Variants in LRFN1 observed in about 807,000 individuals in gnomAD.
LRFN1 encodes the protein leucine rich repeat and fibronectin type III domain containing 1.
In LRFN1, 20 loss-of-function variants were observed where a neutral mutation model predicts 31.8. The observed-to-expected ratio is 0.63, with a 90% CI of 0.44 to 0.91. The LOEUF (loss-of-function observed/expected upper bound fraction) is 0.91. Ranked by LOEUF, LRFN1 falls within the 40% of genes least tolerant of loss-of-function variation. LRFN1 has a pLI of 0.00. For synonymous variants in LRFN1, 514 were observed against 541.3 expected (o/e 0.95, Z 0.70); for missense variants, 912 against 1,129.8 (o/e 0.81, Z 2.76).
chr19:39,311,098 C>T (rs1245927771), intron 4 of LRFN1, among the ~76,000 whole-genome samples: 1 of 152,224 alleles, frequency 6.6e-6, no homozygotes, highest in African/African-American at 2.4e-5. Flanking sequence ...GGGCTTCCCC[C>T]ACCCCTTTTC....
Position 39,314,641 on chromosome 19 carries a change from C to T in LRFN1, c.696G>A (p.Leu232=), listed in dbSNP as rs1479085861. 3 of 1,611,554 alleles carry T rather than the reference C, an allele frequency of 1.9e-6. No homozygotes were observed. The highest frequency in any genetic ancestry group is 2.5e-6 in the Non-Finnish European group (3 of 1,178,868). ...LHKLPPDGLF[L]RSQGTGPKPP... is the part of the protein sequence containing the mutation. ...GCTTGGGCCCGGTGCCCTGCGACCTCAGGAAGAGCCCGTCGGGCGGGAGTT... is the reference window on the plus strand; with the variant it reads ...GCTTGGGCCCGGTGCCCTGCGACCTTAGGAAGAGCCCGTCGGGCGGGAGTT... The change falls in exon 4 of 5, where the codon CTG becomes CTA. Residue 232 remains leucine, a synonymous_variant. Transcript: ENST00000248668.
chr19:39,315,401 G>A lies in LRFN1; in HGVS notation c.-37-28C>T. The A allele has an allele frequency of 7.2e-7, 1 of 1,387,786 alleles. No homozygotes were observed. The highest frequency in any genetic ancestry group is 9.5e-7 in the Non-Finnish European group (1 of 1,057,348). The allele number at this position is 1,387,786 out of a possible 1,614,324, so 86.0% of individuals were successfully genotyped here. ...GCCGGGGAAGGAGCCGGTTACCCAG[G>A]CGTGGGACTTGGCCGCCATGGGATG... On this transcript the variant is annotated intron_variant, in intron 3 of 4. Transcript: ENST00000248668. The surrounding 1 kb of genome is among the most constrained non-coding windows in gnomAD (Gnocchi z 4.7).
intron 4 of LRFN1, among the ~76,000 whole-genome samples, chr19:39,311,939 C>T (rs937830722): frequency 2.0e-5 from 3 of 149,432 alleles, no homozygotes; most frequent in South Asian, 2.1e-4. Flanking sequence ...GCGCAATCTC[C>T]GCTCACTGCA....
At chr19:39,313,883 C>G (rs773999325) in intron 4 of LRFN1, 48 bp downstream of exon 4, 1 of 1,521,406 alleles carries the variant, frequency 6.6e-7, no homozygotes, top group Non-Finnish European at 8.9e-7. Flanking sequence ...GAGGGAGGGT[C>G]CCCCTGGGCT....
chr19:39,308,653 C>A lies in LRFN1; in HGVS notation c.1407-111G>T. On this transcript the variant is annotated intron_variant, in intron 4 of 4. Transcript: ENST00000248668. The surrounding 1 kb of genome is among the most constrained non-coding windows in gnomAD (Gnocchi z 6.2). The stretch of plus-strand genomic sequence containing the variant: ...GGACTAAACCCTGCTATCGAAGTCT[C>A]AGCCGCTACTGAGACAACAGCAGCA... The A allele has an allele frequency of 4.1e-6, 4 of 966,686 alleles. No homozygotes were observed. The highest frequency in any genetic ancestry group is 6.0e-6 in the Non-Finnish European group (4 of 671,026). 59.9% of individuals were successfully genotyped at this position (966,686 alleles called of 1,614,324 possible).
At position 39,314,799 on chromosome 19, in the gene LRFN1, C is replaced by T; in HGVS notation, c.538G>A (p.Glu180Lys). The stretch of plus-strand genomic sequence containing the variant: ...AGGTTCACCATCTGGCCCACCGCCT[C>T]CCACGGCAGGGCCTCCAGGTTGTTG... ...SYNNLEALPW[E>K]AVGQMVNLNT... is the part of the protein sequence containing the mutation. Residue 180 changes from glutamate to lysine, a missense_variant, in exon 4 of 5, where the codon GAG (glutamate) becomes AAG (lysine). This residue lies in a region of LRFN1 where 401 missense variants were observed against 572.7 expected (regional missense o/e 0.70). Transcript: ENST00000248668. 6.2e-7 allele frequency: 1 copy of T among 1,613,190 alleles called. No homozygotes were observed. Among genetic ancestry groups the T allele is most frequent in the South Asian group, 1.1e-5 (1 of 90,908 alleles).
Position 39,307,712 on chromosome 19 carries a change from T to A in LRFN1, c.2237A>T (p.Asp746Val). The change falls in exon 5 of 5, where the codon GAT becomes GTT. Residue 746 changes from aspartate to valine, a missense_variant. By Grantham distance (152) the Asp-to-Val change is radical (BLOSUM62 -3). This residue lies in a region of LRFN1 where 511 missense variants were observed against 557.0 expected (regional missense o/e 0.92). Coordinates refer to ENST00000248668, the MANE Select transcript of LRFN1 (RefSeq NM_020862.2). The surrounding 1 kb of genome is among the most constrained non-coding windows in gnomAD (Gnocchi z 6.7). ...DGAGGGAAGE[D>V]GDLGLGSARA... is the part of the protein sequence containing the mutation. ...GGCGGAGCCCAGCCCCAGGTCTCCATCCTCCCCGGCCGCGCCCCCTCCAGC... is the reference window on the plus strand; with the variant it reads ...GGCGGAGCCCAGCCCCAGGTCTCCAACCTCCCCGGCCGCGCCCCCTCCAGC... 6.6e-7 allele frequency: 1 copy of A among 1,511,984 alleles called. No individual in the cohort carries two copies. Among genetic ancestry groups the A allele is most frequent in the Admixed American group, 2.1e-5 (1 of 46,620 alleles). The allele number at this position is 1,511,984 out of a possible 1,614,324, so 93.7% of individuals were successfully genotyped here.
intron 4 of LRFN1, among the ~76,000 whole-genome samples, chr19:39,313,492 A>G (rs980116475): frequency 1.3e-5 from 2 of 152,224 alleles, no homozygotes; most frequent in Admixed American, 6.5e-5. Flanking sequence ...AGTTCGTGCC[A>G]CTGCACTCCA....
At chr19:39,309,651 A>G (rs1476666342) in intron 4 of LRFN1, among the ~76,000 whole-genome samples, 7 of 151,958 alleles carry the variant, frequency 4.6e-5, no homozygotes, top group Non-Finnish European at 7.4e-5. Context: ...TGGTTCCCCT[A>G]CTGTGTATAG....
chr19:39,318,999 A>G (rs2075180090), intron 1 of LRFN1, among the ~76,000 whole-genome samples: 1 of 152,236 alleles, frequency 6.6e-6, no homozygotes, highest in African/African-American at 2.4e-5. Flanking sequence ...TGAACCCAAG[A>G]GTAGGGACAG....
Position 39,314,309 on chromosome 19 carries a change from T to C in LRFN1, c.1028A>G (p.Asn343Ser). The C allele has an allele frequency of 6.2e-7, 1 of 1,604,128 alleles. No individual in the cohort carries two copies. Among genetic ancestry groups the C allele is most frequent in the Non-Finnish European group, 8.5e-7 (1 of 1,176,010 alleles). ...WVAPDGRLLG[N>S]SSRTRVRGDG... The stretch of plus-strand genomic sequence containing the variant: ...CCCCCGGACCCGGGTCCGGCTGGAG[T>C]TCCCCAGCAGCCGCCCATCAGGTGC... The change falls in exon 4 of 5, where the codon AAC (asparagine) becomes AGC (serine). Residue 343 changes from asparagine (N) to serine (S), a missense_variant. Asn to Ser is a conservative substitution (Grantham distance 46, BLOSUM62 1). Transcript: ENST00000248668.
Position 39,314,967 on chromosome 19 carries a change from G to A in LRFN1, c.370C>T (p.Arg124Cys). The A allele has an allele frequency of 1.9e-6, 3 of 1,593,324 alleles. No individual in the cohort carries two copies. Among genetic ancestry groups the A allele is most frequent in the Non-Finnish European group, 2.6e-6 (3 of 1,174,636 alleles). ...ALRALHLDSN[R>C]LAEVRGDQLR... ...TGGTCGCCGCGCACCTCCGCCAGGC[G>A]GTTGCTGTCCAGGTGCAGGGCCCGG... is the stretch of plus-strand genomic sequence containing the variant. The change falls in exon 4 of 5, where the codon CGC becomes TGC. Residue 124 changes from arginine (R) to cysteine (C), a missense_variant. By Grantham distance (180) the Arg-to-Cys change is radical (BLOSUM62 -3). Around this residue, in one of 2 missense-constraint regions of LRFN1, gnomAD observed 401 missense variants for 572.7 expected, o/e 0.70. Transcript: ENST00000248668.
At chr19:39,316,620 G>A (rs1171194910) in intron 2 of LRFN1, among the ~76,000 whole-genome samples, 2 of 152,138 alleles carry the variant, frequency 1.3e-5, no homozygotes, top group African/African-American at 4.8e-5. Context: ...GGCCTTCTCT[G>A]AGGTCTGGTT....
At chr19:39,320,012 C>T (rs1237016753) in intron 1 of LRFN1, among the ~76,000 whole-genome samples, 1 of 151,706 alleles carries the variant, frequency 6.6e-6, no homozygotes, top group African/African-American at 2.4e-5. Flanking sequence ...AGGGCCGGGT[C>T]TTCGCCCCCC....
In LRFN1 at chr19:39,314,729, T is replaced by A; in HGVS notation, c.608A>T (p.Glu203Val). 6.2e-7 allele frequency: 1 copy of A among 1,613,298 alleles called. No individual in the cohort carries two copies. Among genetic ancestry groups the A allele is most frequent in the Non-Finnish European group, 8.5e-7 (1 of 1,179,552 alleles). The change falls in exon 4 of 5, where the codon GAG (glutamate) becomes GTG (valine). Residue 203 changes from glutamate (E) to valine (V), a missense_variant. Glu to Val is a moderately radical substitution (Grantham distance 121, BLOSUM62 -2). Around this residue, in one of 2 missense-constraint regions of LRFN1, gnomAD observed 401 missense variants for 572.7 expected, o/e 0.70. Transcript: ENST00000248668. ...LDHNLIDHIA[E>V]GTFVQLHKLV... ...CTTGTGAAGCTGCACGAAGGTCCCC[T>A]CCGCGATGTGGTCGATGAGGTTGTG...
Position 39,308,622 on chromosome 19 carries a change from C to T in LRFN1, c.1407-80G>A, listed in dbSNP as rs889866804. 7 of 1,270,402 alleles carry T rather than the reference C, an allele frequency of 5.5e-6. No individual in the cohort carries two copies. The African/African-American group carries it at 1.0e-4, about 19-fold the overall frequency. 78.7% of individuals were successfully genotyped at this position (1,270,402 alleles called of 1,614,324 possible). A position where few individuals can be genotyped will look rare whatever the true frequency, so the allele number is the denominator to read the frequency against. ...CGCTTTATGCCCCGCCCATGGTGAA[C>T]AGTGGGGACTAAACCCTGCTATCGA... On this transcript the variant is annotated intron_variant, in intron 4 of 4. Coordinates refer to ENST00000248668, the MANE Select transcript of LRFN1 (RefSeq NM_020862.2). This position sits in a 1 kb window ranked among gnomAD's most constrained non-coding sequence, Gnocchi z 6.2.
At position 39,307,524 on chromosome 19, in the gene LRFN1, A is replaced by T; in HGVS notation, c.*109T>A. ...CTCCCGGGGACAAGGGCGCGTCTCC[A>T]CTCTGGTCCAATGTCTTGGCGCTGC... On this transcript the variant is annotated 3_prime_UTR_variant, in exon 5 of 5. Coordinates refer to ENST00000248668, the MANE Select transcript of LRFN1 (RefSeq NM_020862.2). The surrounding 1 kb of genome is among the most constrained non-coding windows in gnomAD (Gnocchi z 6.7). 1 of 1,205,660 alleles carries T rather than the reference A, an allele frequency of 8.3e-7. No individual in the cohort carries two copies. The highest frequency in any genetic ancestry group is 1.1e-6 in the Non-Finnish European group (1 of 937,888). 74.7% of individuals were successfully genotyped at this position (1,205,660 alleles called of 1,614,324 possible). A position where few individuals can be genotyped will look rare whatever the true frequency, so the allele number is the denominator to read the frequency against.
intron 1 of LRFN1, 52 bp downstream of exon 1, chr19:39,320,741 A>G (rs1166479907): frequency 2.0e-5 from 3 of 147,626 alleles, no homozygotes; most frequent in African/African-American, 7.4e-5. Context: ...ACACCCGCGC[A>G]CACACCCGCG....
rs750267126 is a variant in LRFN1, at chr19:39,314,422, C to T, written c.915G>A (p.Ala305=). Residue 305 remains alanine (A), a synonymous_variant, in exon 4 of 5, where the codon GCG becomes GCA. Transcript: ENST00000248668. Reference sequence around the variant, plus strand: ...CTTCCACCACCAGGGCCCGGCCCCCCGCCTGCCGTGTGATCAGCGGGGGCT... The same window carrying T: ...CTTCCACCACCAGGGCCCGGCCCCCTGCCTGCCGTGTGATCAGCGGGGGCT... ...LCEPPLITRQ[A]GGRALVVEGQ... 3 of 1,606,252 alleles carry T rather than the reference C, an allele frequency of 1.9e-6. No individual in the cohort carries two copies. The highest frequency in any genetic ancestry group is 1.7e-5 in the Admixed American group (1 of 59,198).
Sources: gnomAD v4.1 joint callset for allele counts (sites outside exome capture counted in the v4.1 genomes callset) on GRCh38, gnomAD v4.1.1 for gene constraint, gnomAD v4.1.1 regional missense constraint, Gnocchi (gnomAD v3.1) non-coding constraint, MANE v1.5 for transcripts, NCBI Gene and HGNC (gene_info 2026-07-23, HGNC 2026-07-21) for gene names.